ATP6V0A4: variants seen among roughly 807,000 people sequenced by gnomAD.
ATP6V0A4 encodes the protein ATPase H+ transporting V0 subunit a4, also known as V-type proton ATPase 116 kDa subunit a 4.
Under a neutral mutation model 107.3 loss-of-function variants are expected in ATP6V0A4, and 86 were observed. The observed-to-expected ratio is 0.80, with a 90% confidence interval of 0.67 to 0.96. The LOEUF is 0.96. Among genes scored for constraint, ATP6V0A4 ranks in the 40% least tolerant of loss-of-function variants. ATP6V0A4 has a pLI of 0.00. For synonymous variants in ATP6V0A4, 353 were observed against 381.4 expected, an observed-to-expected ratio of 0.93 and a Z score of 0.87; for missense variants, 908 against 1,045.6, an observed-to-expected ratio of 0.87 and a Z score of 1.81.
intron 20 of ATP6V0A4, among the ~76,000 whole-genome samples, chr7:138,713,270 A>G (rs1456553208): frequency 7.6e-6 from 1 of 131,956 alleles, no homozygotes; most frequent in East Asian, 2.2e-4. Context: ...ACGCCACGGC[A>G]CTCCAGCCTG....
At chr7:138,725,817 C>G (rs541830093) in intron 18 of ATP6V0A4, among the ~76,000 whole-genome samples, 2 of 151,370 alleles carry the variant, frequency 1.3e-5, no homozygotes, top group East Asian at 4.0e-4. Context: ...CCGGTCAGGA[C>G]TCTCAAGTTC....
chr7:138,722,740 ATC>A (rs1804487631), intron 18 of ATP6V0A4, among the ~76,000 whole-genome samples: 1 of 54,448 alleles, frequency 1.8e-5, no homozygotes, highest in African/African-American at 1.0e-4. Context: ...GTGAGACTCC[ATC>A]TCAAAAAAAA....
chr7:138,797,480 A>G (rs557419101), intron 1 of ATP6V0A4, among the ~76,000 whole-genome samples: 24 of 151,812 alleles, frequency 1.6e-4, no homozygotes, highest in African/African-American at 5.8e-4. Flanking sequence ...AGCCTCCCAG[A>G]GTGCTGGGAC....
At chr7:138,744,671 TA>T (rs2117269235) in intron 14 of ATP6V0A4, among the ~76,000 whole-genome samples, 1 of 152,032 alleles carries the variant, frequency 6.6e-6, no homozygotes, top group African/African-American at 2.4e-5. Context: ...TAGCTAGGAC[TA>T]AAGGCGTGCC....
chr7:138,733,269 G>T (rs1341624752), intron 16 of ATP6V0A4, 176 bp from the exon 17 acceptor site: 1 of 574,722 alleles, frequency 1.7e-6, no homozygotes, highest in Non-Finnish European at 2.1e-6. Context: ...TGGATGCATA[G>T]AAAAGAAAAT....
chr7:138,757,594 A>C (rs758222913), intron 8 of ATP6V0A4, among the ~76,000 whole-genome samples: 22 of 151,994 alleles, frequency 1.4e-4, no homozygotes, highest in Non-Finnish European at 2.5e-4. Flanking sequence ...ATCACATACT[A>C]CTCGAGGCAC....
intron 20 of ATP6V0A4, among the ~76,000 whole-genome samples, chr7:138,711,834 G>T (rs934841954): frequency 6.6e-6 from 1 of 152,222 alleles, no homozygotes; most frequent in Non-Finnish European, 1.5e-5. Context: ...TCAGCCCTGC[G>T]TGTACCCGCA....
At position 138,762,985 on chromosome 7, in the gene ATP6V0A4, T is replaced by C. The variant is rs1233844406; in HGVS notation, c.332A>G (p.Asn111Ser). 9 of 1,613,926 alleles carry C rather than the reference T, an allele frequency of 5.6e-6. No homozygotes were observed. The highest frequency in any genetic ancestry group is 4.0e-5 in the African/African-American group (3 of 74,858). ...EKLEGELQEA[N>S]QNQQALKQSF... ...TTGTTTCAAGGCCTGCTGGTTCTGG[T>C]TGGCTTCCTGTAACTCTCCTTCCAG... Residue 111 changes from asparagine to serine, a missense_variant, in exon 6 of 22, where the codon AAC (asparagine) becomes AGC (serine). By Grantham distance (46) the Asn-to-Ser change is conservative (BLOSUM62 1). Coordinates refer to ENST00000310018, the MANE Select transcript of ATP6V0A4 (RefSeq NM_020632.3).
At chr7:138,788,972 G>A (rs967740119) in intron 1 of ATP6V0A4, among the ~76,000 whole-genome samples, 19 of 152,210 alleles carry the variant, frequency 1.2e-4, no homozygotes, top group African/African-American at 3.9e-4. Context: ...CGTGAGAACA[G>A]ATTAATTCAG....
intron 1 of ATP6V0A4, among the ~76,000 whole-genome samples, chr7:138,789,167 A>G (rs34866556): frequency 0.043 from 6,528 of 151,646 alleles, 186 homozygotes; most frequent in African/African-American, 0.082. Context: ...AGCTGAGGCT[A>G]TGATAGGCAG....
At chr7:138,757,960 AG>A (rs1168954832) in intron 8 of ATP6V0A4, among the ~76,000 whole-genome samples, 2 of 152,318 alleles carry the variant, frequency 1.3e-5, no homozygotes, top group Admixed American at 6.5e-5. Context: ...TATTTCCAAA[AG>A]GTTTCTCTAC....
intron 2 of ATP6V0A4, among the ~76,000 whole-genome samples, chr7:138,772,654 G>GT (rs918138522): frequency 6.6e-6 from 1 of 152,158 alleles, no homozygotes; most frequent in Admixed American, 6.5e-5. Context: ...CATGTCCAAA[G>GT]TTTAACTGTG....
intron 20 of ATP6V0A4, among the ~76,000 whole-genome samples, chr7:138,712,264 G>A (rs1165286775): frequency 3.9e-5 from 6 of 151,934 alleles, no homozygotes; most frequent in Non-Finnish European, 2.9e-5. Flanking sequence ...GGATCTCAGC[G>A]CTTCAAGTCA....
Position 138,752,800 on chromosome 7 carries a change from A to G in ATP6V0A4, c.854T>C (p.Leu285Pro). The G allele has an allele frequency of 1.2e-6, 2 of 1,614,206 alleles. No homozygotes were observed. Among genetic ancestry groups the G allele is most frequent in the Non-Finnish European group, 1.7e-6 (2 of 1,180,028 alleles). The change falls in exon 11 of 22, where the codon CTG becomes CCG. Residue 285 changes from leucine to proline, a missense_variant. Coordinates refer to ENST00000310018, the MANE Select transcript of ATP6V0A4 (RefSeq NM_020632.3). ...TQTESHRQRL[L>P]QEAAANWHSW... is the part of the protein sequence containing the mutation. ...GTGCCAGTTGGCAGCGGCTTCCTGC[A>G]GCAGGCGCTGGCGGTGAGACTCTGT...
Position 138,762,208 on chromosome 7 carries a change from C to T in ATP6V0A4, c.512+132G>A, listed in dbSNP as rs575304770. ...CCTAGTAAGTTACATATGGGTCTAT[C>T]GCTTGGCAGAGGCTTTGCATCCATG... On this transcript the variant is annotated intron_variant, in intron 7 of 21. Coordinates refer to ENST00000310018, the MANE Select transcript of ATP6V0A4 (RefSeq NM_020632.3). The T allele has an allele frequency of 8.1e-4, 965 of 1,191,902 alleles. 1 individual carries two copies. The highest frequency in any genetic ancestry group is 1.9e-3 in the Middle Eastern group (10 of 5,248). 73.8% of individuals were successfully genotyped at this position (1,191,902 alleles called of 1,614,324 possible). A position where few individuals can be genotyped will look rare whatever the true frequency, so the allele number is the denominator to read the frequency against.
At chr7:138,722,163 C>T (rs1804455019) in intron 18 of ATP6V0A4, 138 bp from the exon 19 acceptor site, 1 of 1,409,530 alleles carries the variant, frequency 7.1e-7, no homozygotes, top group Non-Finnish European at 9.7e-7. Context: ...TCTCATTAAG[C>T]CCTCACAACA....
At chr7:138,786,813 T>C (rs1808198884) in intron 1 of ATP6V0A4, among the ~76,000 whole-genome samples, 1 of 152,140 alleles carries the variant, frequency 6.6e-6, no homozygotes, top group African/African-American at 2.4e-5. Context: ...GTTTTTCACT[T>C]GGGAGCACCT....
In ATP6V0A4 at chr7:138,768,891, C is replaced by A; in HGVS notation, c.197-17G>T. 6.2e-7 allele frequency: 1 copy of A among 1,613,834 alleles called. No homozygotes were observed. Among genetic ancestry groups the A allele is most frequent in the Non-Finnish European group, 8.5e-7 (1 of 1,179,916 alleles). On this transcript the variant is annotated splice_polypyrimidine_tract_variant and intron_variant, in intron 4 of 21. Transcript: ENST00000310018. ...CCAGAAAACCTGAAGAATGAAAACC[C>A]ACCAGAAACCCCAAGGTGATTGTGT...
At chr7:138,744,995 G>T in intron 14 of ATP6V0A4, 128 bp downstream of exon 14, 2 of 888,348 alleles carry the variant, frequency 2.3e-6, no homozygotes, top group Non-Finnish European at 3.7e-6. Context: ...GAGCCACTGA[G>T]CCTGGCCTAT....
Sources: allele counts gnomAD v4.1 joint callset (sites outside exome capture counted in the v4.1 genomes callset), GRCh38; gene constraint gnomAD v4.1.1; transcripts MANE v1.5; gene names NCBI Gene and HGNC (gene_info 2026-07-23, HGNC 2026-07-21).